The following AMN1 variants were observed in gnomAD, a reference collection of about 807,000 sequenced individuals.
The protein encoded by AMN1 is antagonist of mitotic exit network 1 homolog, also known as protein AMN1 homolog.
AMN1 carries 20 observed loss-of-function variants against 33.0 expected under a neutral mutation model. The ratio of observed to expected loss-of-function variants is 0.61; its 90% CI spans 0.43 to 0.88. The LOEUF (loss-of-function observed/expected upper bound fraction) is 0.88. Among genes scored for constraint, AMN1 ranks in the 40% least tolerant of loss-of-function variants. The pLI is 0.00. For missense variants in AMN1, 246 were observed against 307.4 expected, an observed-to-expected ratio of 0.80 and a Z score of 1.49; for synonymous variants, 114 against 111.9, an observed-to-expected ratio of 1.02 and a Z score of -0.12.
At chr12:31,677,514 T>C (rs1228139756) in intron 6 of AMN1, among the ~76,000 whole-genome samples, 1 of 152,218 alleles carries the variant, frequency 6.6e-6, no homozygotes, top group African/African-American at 2.4e-5. Flanking sequence ...TATCAACTAT[T>C]TCTAAGATGT....
chr12:31,686,637 G>T (rs1437798416), intron 6 of AMN1, among the ~76,000 whole-genome samples: 3 of 152,128 alleles, frequency 2.0e-5, no homozygotes, highest in Non-Finnish European at 2.9e-5. Flanking sequence ...TTAGCCTACA[G>T]ATGGGCAAAA....
At chr12:31,700,936 G>A (rs1044190064) in intron 3 of AMN1, among the ~76,000 whole-genome samples, 3 of 151,890 alleles carry the variant, frequency 2.0e-5, no homozygotes, top group Non-Finnish European at 4.4e-5. Context: ...TGATCCACCC[G>A]CCTAGGCCTC....
At chr12:31,676,498 A>G (rs965096826) in intron 6 of AMN1, among the ~76,000 whole-genome samples, 4 of 150,366 alleles carry the variant, frequency 2.7e-5, no homozygotes, top group South Asian at 4.3e-4. Context: ...ATTTTTTTGT[A>G]TTTTTAGTAG....
chr12:31,679,903 T>C (rs1211504621), intron 6 of AMN1, among the ~76,000 whole-genome samples: 1 of 151,982 alleles, frequency 6.6e-6, no homozygotes, highest in Non-Finnish European at 1.5e-5. Context: ...GGTGGGCAGA[T>C]CACCTGAGGT....
intron 6 of AMN1, among the ~76,000 whole-genome samples, chr12:31,677,257 G>A (rs775167790): frequency 4.6e-5 from 7 of 152,084 alleles, no homozygotes; most frequent in Non-Finnish European, 7.4e-5. Flanking sequence ...CCGAGATCGC[G>A]CCACTGCACT....
chr12:31,697,468 A>C, intron 4 of AMN1, 51 bp from the exon 5 acceptor site: 1 of 1,553,824 alleles, frequency 6.4e-7, no homozygotes, highest in African/African-American at 1.4e-5. Context: ...CAACGGAAGT[A>C]GAATTTTCCA....
At chr12:31,701,746 A>G in intron 3 of AMN1, 117 bp downstream of exon 3, 1 of 850,686 alleles carries the variant, frequency 1.2e-6, no homozygotes, top group South Asian at 2.2e-5. Flanking sequence ...TGATAAATAT[A>G]ATTCATATTT....
intron 6 of AMN1, chr12:31,673,508 A>G (rs12813399): frequency 0.25 from 57,526 of 232,832 alleles, 8,382 homozygotes; most frequent in Non-Finnish European, 0.32. Flanking sequence ...AATCAAAGAT[A>G]GATTCAAATT....
intron 1 of AMN1, among the ~76,000 whole-genome samples, chr12:31,709,729 T>G (rs562026024): frequency 6.6e-6 from 1 of 152,212 alleles, no homozygotes; most frequent in East Asian, 1.9e-4. Flanking sequence ...CTTGGGAGGC[T>G]GAGGTGGGAG....
In AMN1 at chr12:31,711,968, C is replaced by G. The variant is rs562999263; in HGVS notation, c.39-2543G>C. On this transcript the variant is annotated intron_variant, in intron 1 of 6. Transcript: ENST00000281471. The stretch of plus-strand genomic sequence containing the variant: ...ATGAGAACATGTGACATTTGTCTTT[C>G]TGTGTCTGGCTTACTTAACAAAATG... Among the ~76,000 whole-genome samples, 7 of 152,156 alleles carry G rather than the reference C, an allele frequency of 4.6e-5. No homozygotes were observed. The South Asian group carries it at 6.2e-4, about 14-fold the overall frequency.
chr12:31,697,971 T>C lies in AMN1; in HGVS notation c.317-14A>G. ...CAGCTTTTATTCCTGGGGGAAAATATAATTATATATCAATGAGCTATATGT... is the reference window on the plus strand; with the variant it reads ...CAGCTTTTATTCCTGGGGGAAAATACAATTATATATCAATGAGCTATATGT... On this transcript the variant is annotated splice_polypyrimidine_tract_variant and intron_variant, in intron 3 of 6. Transcript: ENST00000281471. 6.2e-7 allele frequency: 1 copy of C among 1,610,918 alleles called. No homozygotes were observed. Among genetic ancestry groups the C allele is most frequent in the African/African-American group, 1.3e-5 (1 of 74,970 alleles).
At chr12:31,709,028 A>C in intron 2 of AMN1, 1 of 470,444 alleles carries the variant, frequency 2.1e-6, no homozygotes, top group Non-Finnish European at 4.1e-6. Context: ...AAATGCAAAA[A>C]TTAGCCAGGC....
In AMN1 at chr12:31,697,498, A is replaced by T. The variant is rs1938783237; in HGVS notation, c.535-81T>A. On this transcript the variant is annotated intron_variant, in intron 4 of 6. Coordinates refer to ENST00000281471, the MANE Select transcript of AMN1 (RefSeq NM_001113402.2). ...TTTCCAAAATGTATTCATTATTTAG[A>T]TATAGTCTTAATGCCTCCCATTCAT... 28 of 1,371,962 alleles carry T rather than the reference A, an allele frequency of 2.0e-5. No homozygotes were observed. In the South Asian group the frequency reaches 3.2e-4, roughly 16 times the overall value. The allele number at this position is 1,371,962 out of a possible 1,614,324, so 85.0% of individuals were successfully genotyped here. A position where few individuals can be genotyped will look rare whatever the true frequency, so the allele number is the denominator to read the frequency against.
chr12:31,684,615 C>T (rs1192615537), intron 6 of AMN1, among the ~76,000 whole-genome samples: 4 of 151,870 alleles, frequency 2.6e-5, no homozygotes, highest in South Asian at 2.1e-4. Flanking sequence ...GGACTACAGG[C>T]GCCCGCCACC....
At chr12:31,695,043 A>G (rs931662547) in intron 5 of AMN1, among the ~76,000 whole-genome samples, 1 of 152,364 alleles carries the variant, frequency 6.6e-6, no homozygotes, top group Admixed American at 6.5e-5. Context: ...TTCCATTAAA[A>G]TGTTTTGGCA....
intron 1 of AMN1, among the ~76,000 whole-genome samples, chr12:31,718,132 A>C (rs989243103): frequency 4.6e-5 from 7 of 151,480 alleles, no homozygotes; most frequent in Non-Finnish European, 5.9e-5. Context: ...CTTTTTCTCT[A>C]ATCTTGTCTT....
intron 1 of AMN1, among the ~76,000 whole-genome samples, chr12:31,726,968 C>A (rs1274616804): frequency 6.6e-6 from 1 of 151,746 alleles, no homozygotes; most frequent in East Asian, 1.9e-4. Flanking sequence ...GCTTTTCTTT[C>A]ATTTATTTAT....
chr12:31,723,147 G>T (rs571996773), intron 1 of AMN1, among the ~76,000 whole-genome samples: 3 of 152,042 alleles, frequency 2.0e-5, no homozygotes, highest in Non-Finnish European at 2.9e-5. Context: ...AACAGAGTGA[G>T]ACCTCGTCTC....
chr12:31,673,567 C>G, intron 6 of AMN1: 1 of 380,352 alleles, frequency 2.6e-6, no homozygotes. Flanking sequence ...AAATGGCAAC[C>G]ATGACAAAGC....
Sources: allele counts gnomAD v4.1 joint callset (sites outside exome capture counted in the v4.1 genomes callset), GRCh38; gene constraint gnomAD v4.1.1; transcripts MANE v1.5; gene names NCBI Gene and HGNC (gene_info 2026-07-23, HGNC 2026-07-21).